PROC: variants seen among roughly 807,000 people sequenced by gnomAD.
PROC encodes protein C, inactivator of coagulation factors Va and VIIIa.
Under a neutral mutation model 36.3 loss-of-function variants are expected in PROC, and 22 were observed. That is an observed-to-expected ratio of 0.61 (90% CI 0.43 to 0.86). PROC has a LOEUF of 0.86. Ranked by LOEUF, PROC falls within the 40% of genes least tolerant of loss-of-function variation. The pLI is 0.00. For missense variants in PROC, 526 were observed against 629.7 expected (o/e 0.84, Z 1.76); for synonymous variants, 218 against 244.5 (o/e 0.89, Z 1.01).
At chr2:127,428,295 G>A in intron 8 of PROC, 62 bp from the exon 9 acceptor site, 1 of 1,534,082 alleles carries the variant, frequency 6.5e-7, no homozygotes, top group South Asian at 1.1e-5. Flanking sequence ...GTGGGCCTCA[G>A]GAAAGTGCCA....
Position 127,428,722 on chromosome 2 carries a change from G to A in PROC, c.1162G>A (p.Ala388Thr). ...SNMVSENMLCAGILGDRQDAC... is the reference protein window; with the variant it reads ...SNMVSENMLCTGILGDRQDAC... The stretch of plus-strand genomic sequence containing the variant: ...CATGGTGTCTGAGAACATGCTGTGT[G>A]CGGGCATCCTCGGGGACCGGCAGGA... Residue 388 changes from alanine to threonine, a missense_variant, in exon 9 of 9, where the codon GCG becomes ACG. Transcript: ENST00000234071. 6.2e-7 allele frequency: 1 copy of A among 1,613,724 alleles called. No individual in the cohort carries two copies. The highest frequency in any genetic ancestry group is 8.5e-7 in the Non-Finnish European group (1 of 1,180,028).
Position 127,421,216 on chromosome 2 carries a change from C to G in PROC, c.71-67C>G, listed in dbSNP as rs1165667051. ...CTCTCCCAGCTCTGCTTCCTCAGAC[C>G]CCCTCATGGCCCCAGCCCCTCTTAG... On this transcript the variant is annotated intron_variant, in intron 2 of 8. Transcript: ENST00000234071. 3 of 1,534,340 alleles carry G rather than the reference C, an allele frequency of 2.0e-6. No homozygotes were observed. The East Asian group carries it at 6.8e-5, about 35-fold the overall frequency.
Position 127,426,488 on chromosome 2 carries a change from A to G in PROC, c.678+261A>G. On this transcript the variant is annotated intron_variant, in intron 7 of 8. Transcript: ENST00000234071. The surrounding 1 kb of genome is among the most constrained non-coding windows in gnomAD (Gnocchi z 7.0). ...TTACAGTTTCTAAAAAGAGCTGGAAAGACACTGCTCTGCTGGCGGGATTTT... is the reference window on the plus strand; with the variant it reads ...TTACAGTTTCTAAAAAGAGCTGGAAGGACACTGCTCTGCTGGCGGGATTTT... 1.9e-6 allele frequency: 1 copy of G among 536,272 alleles called. No homozygotes were observed. Among genetic ancestry groups the G allele is most frequent in the Non-Finnish European group, 3.3e-6 (1 of 298,546 alleles). 33.2% of individuals were successfully genotyped at this position (536,272 alleles called of 1,614,324 possible). A position where few individuals can be genotyped will look rare whatever the true frequency, so the allele number is the denominator to read the frequency against.
chr2:127,423,585 C>A, intron 6 of PROC, 177 bp downstream of exon 6: 1 of 817,280 alleles, frequency 1.2e-6, no homozygotes, highest in Non-Finnish European at 1.8e-6. Context: ...TTAGCGCAAT[C>A]AGCCCGGGAG....
chr2:127,424,746 G>A (rs1319119507), intron 6 of PROC, among the ~76,000 whole-genome samples: 1 of 152,218 alleles, frequency 6.6e-6, no homozygotes, highest in African/African-American at 2.4e-5. Flanking sequence ...TTTCCAGGAA[G>A]CTGCAAAGAA....
intron 4 of PROC, 42 bp from the exon 5 acceptor site, chr2:127,422,992 G>A: frequency 2.5e-6 from 4 of 1,612,436 alleles, no homozygotes; most frequent in Non-Finnish European, 3.4e-6. Context: ...GCGCCCCTCG[G>A]GATCTCTGGC....
At chr2:127,419,831 G>GGGACACAC in intron 1 of PROC, 91 bp from the exon 2 acceptor site, 1 of 1,601,686 alleles carries the variant, frequency 6.2e-7, no homozygotes, top group Non-Finnish European at 8.5e-7. Context: ...CCAGCACACA[G>GGGACACAC]GGACAGCCCT....
Position 127,420,129 on chromosome 2 carries a change from G to A in PROC, c.70+117G>A, listed in dbSNP as rs1053112327. ...CTCTGAGCCCTGGGTGAGGTGAGGG[G>A]CAGATGGGAATGGCAGGAATCAACT... On this transcript the variant is annotated intron_variant, in intron 2 of 8. Coordinates refer to ENST00000234071, the MANE Select transcript of PROC (RefSeq NM_000312.4). 5.7e-6 allele frequency: 7 copies of A among 1,221,794 alleles called. No homozygotes were observed. The East Asian group carries it at 1.3e-4, about 22-fold the overall frequency. 75.7% of individuals were successfully genotyped at this position (1,221,794 alleles called of 1,614,324 possible). A position where few individuals can be genotyped will look rare whatever the true frequency, so the allele number is the denominator to read the frequency against.
In PROC at chr2:127,419,910, A is replaced by G; in HGVS notation, c.-21-12A>G. ...GGGTAGGCACTGCCCGGAGCTCAGA[A>G]GTCCTCCTCAGACAGGTGCCAGTGC... is the stretch of plus-strand genomic sequence containing the variant. On this transcript the variant is annotated splice_polypyrimidine_tract_variant and intron_variant, in intron 1 of 8. Transcript: ENST00000234071. 6.2e-7 allele frequency: 1 copy of G among 1,613,884 alleles called. No homozygotes were observed. Among genetic ancestry groups the G allele is most frequent in the South Asian group, 1.1e-5 (1 of 91,084 alleles).
intron 6 of PROC, among the ~76,000 whole-genome samples, chr2:127,424,071 A>T (rs572609035): frequency 6.6e-6 from 1 of 151,648 alleles, no homozygotes; most frequent in African/African-American, 2.4e-5. Flanking sequence ...TTTCTTCTAC[A>T]ATCTCCCCTT....
chr2:127,423,490 G>T (rs772009935), intron 6 of PROC, 82 bp downstream of exon 6: 4 of 1,499,154 alleles, frequency 2.7e-6, no homozygotes, highest in Non-Finnish European at 3.6e-6. Flanking sequence ...GGCGCGGGGG[G>T]CTCAGGAGGG....
In PROC at chr2:127,423,337, T is replaced by A; in HGVS notation, c.464T>A (p.Val155Glu). The change falls in exon 6 of 9, where the codon GTG becomes GAG. Residue 155 changes from valine to glutamate, a missense_variant. Physicochemically the swap from Val to Glu is moderately radical, Grantham distance 121. Transcript: ENST00000234071. Reference sequence around the variant, plus strand: ...TGCACGCATTACTGCCTAGAGGAGGTGGGCTGGCGGCGCTGTAGCTGTGCG... The same window carrying A: ...TGCACGCATTACTGCCTAGAGGAGGAGGGCTGGCGGCGCTGTAGCTGTGCG... ...GGCTHYCLEEVGWRRCSCAPG... is the reference protein window; with the variant it reads ...GGCTHYCLEEEGWRRCSCAPG... 1 of 1,549,894 alleles carries A rather than the reference T, an allele frequency of 6.5e-7. No homozygotes were observed.
rs112725831 is a variant in PROC at position 127,424,206 on chromosome 2, C to CT, written c.535+807dup. 6.5e-3 allele frequency among the ~76,000 whole-genome samples: 972 copies of CT among 149,500 alleles called. 7 individuals are homozygous for CT. Among genetic ancestry groups the CT allele is most frequent in the African/African-American group, 0.022 (878 of 40,710 alleles). On this transcript the variant is annotated intron_variant, in intron 6 of 8. Coordinates refer to ENST00000234071, the MANE Select transcript of PROC (RefSeq NM_000312.4). ...TCTTTCAGGGAACTTTCTTTTTTTTCTTTTTTTTTGAGATGGAGTTTCACT... is the reference window on the plus strand; with the variant it reads ...TCTTTCAGGGAACTTTCTTTTTTTTCTTTTTTTTTTGAGATGGAGTTTCACT...
intron 2 of PROC, 71 bp downstream of exon 2, chr2:127,420,083 C>A: frequency 6.6e-7 from 1 of 1,509,142 alleles, no homozygotes; most frequent in Non-Finnish European, 9.2e-7. Flanking sequence ...TCTGCCCAGG[C>A]CTTCACAGCT....
rs1216244436 is a variant in PROC, at chr2:127,426,176, T to C, written c.627T>C (p.Asp209=). 1 of 1,614,040 alleles carries C rather than the reference T, an allele frequency of 6.2e-7. No individual in the cohort carries two copies. The change falls in exon 7 of 9, where the codon GAT becomes GAC. Residue 209 remains aspartate, a synonymous_variant. Coordinates refer to ENST00000234071, the MANE Select transcript of PROC (RefSeq NM_000312.4). This position sits in a 1 kb window ranked among gnomAD's most constrained non-coding sequence, Gnocchi z 7.0. The part of the protein sequence containing the change: ...RDTEDQEDQV[D]PRLIDGKMTR... ...CAGAAGACCAAGAAGACCAAGTAGA[T>C]CCGCGGCTCATTGATGGGAAGATGA...
rs938440206 is a variant in PROC, at chr2:127,418,545, C to T, written c.-22+53C>T. 4.5e-5 allele frequency: 57 copies of T among 1,273,674 alleles called. No homozygotes were observed. Among genetic ancestry groups the T allele is most frequent in the East Asian group, 1.1e-4 (2 of 17,942 alleles). The allele number at this position is 1,273,674 out of a possible 1,614,324, so 78.9% of individuals were successfully genotyped here. A position where few individuals can be genotyped will look rare whatever the true frequency, so the allele number is the denominator to read the frequency against. ...AGGGGTGTGGAGGGAGGGCTGCCCC[C>T]GGGAGAAGAGAGCTAGGTGGTGATG... is the stretch of plus-strand genomic sequence containing the variant. On this transcript the variant is annotated intron_variant, in intron 1 of 8. Transcript: ENST00000234071. This position sits in a 1 kb window ranked among gnomAD's most constrained non-coding sequence, Gnocchi z 4.8.
intron 8 of PROC, 50 bp downstream of exon 8, chr2:127,427,272 G>T: frequency 2.0e-6 from 3 of 1,517,468 alleles, no homozygotes; most frequent in Non-Finnish European, 2.7e-6. Flanking sequence ...CTGGGTAGGG[G>T]GACCAGGCAG....
intron 6 of PROC, 123 bp downstream of exon 6, chr2:127,423,531 A>C: frequency 2.3e-6 from 3 of 1,323,962 alleles, no homozygotes; most frequent in Non-Finnish European, 3.0e-6. Context: ...AACAGAGTTG[A>C]GCCTTGGGGC....
chr2:127,422,490 T>A (rs1688159898), intron 3 of PROC, among the ~76,000 whole-genome samples: 1 of 152,078 alleles, frequency 6.6e-6, no homozygotes, highest in Non-Finnish European at 1.5e-5. Flanking sequence ...TCTGCCCCCA[T>A]CCTCCCAACT....
Sources: gnomAD v4.1 joint callset for allele counts (sites outside exome capture counted in the v4.1 genomes callset) on GRCh38, gnomAD v4.1.1 for gene constraint, Gnocchi (gnomAD v3.1) non-coding constraint, MANE v1.5 for transcripts, NCBI Gene and HGNC (gene_info 2026-07-23, HGNC 2026-07-21) for gene names.